The following HROB variants were observed in gnomAD, a reference collection of about 807,000 sequenced individuals.
HROB encodes homologous recombination OB-fold protein.
Under a neutral mutation model 61.0 loss-of-function variants are expected in HROB, and 44 were observed. That is an observed-to-expected ratio of 0.72 (90% CI 0.57 to 0.93). HROB has a LOEUF of 0.93. HROB is among the 40% of genes least tolerant of loss of function. HROB has a pLI of 0.00. For synonymous variants in HROB, 301 were observed against 310.4 expected, an observed-to-expected ratio of 0.97 and a Z score of 0.32; for missense variants, 716 against 796.2, an observed-to-expected ratio of 0.90 and a Z score of 1.21.
chr17:44,154,866 G>A lies in HROB; in HGVS notation c.1572G>A (p.Gly524=), dbSNP rs535389334. 6.2e-7 allele frequency: 1 copy of A among 1,614,118 alleles called. No individual in the cohort carries two copies. Among genetic ancestry groups the A allele is most frequent in the East Asian group, 2.2e-5 (1 of 44,874 alleles). The change falls in exon 7 of 10, where the codon GGG becomes GGA. Residue 524 remains glycine (G), a synonymous_variant. Coordinates refer to ENST00000585683, the MANE Select transcript of HROB (RefSeq NM_001171251.3). ...TGGTATTTGCAGGAGAGATGCAGGG[G>A]ACGGTGCACAGGTTGCTGCTGGAGA... is the stretch of plus-strand genomic sequence containing the variant. ...VFKDPTGEMQ[G]TVHRLLLETC...
At chr17:44,161,849 C>T (rs2054150135) in intron 9 of HROB, 22 bp from the exon 10 acceptor site, 1 of 1,611,214 alleles carries the variant, frequency 6.2e-7, no homozygotes, top group Non-Finnish European at 8.5e-7. Flanking sequence ...ACTAAGGCTA[C>T]CCATCATTCC....
rs765714281 is a variant in HROB, at chr17:44,148,952, C to G, written c.1149C>G (p.Pro383=). The change falls in exon 3 of 10, where the codon CCC becomes CCG. Residue 383 remains proline (P), a synonymous_variant. Transcript: ENST00000585683. ...VQLVTAASRT[P]QQPTHPSTRA... ...TAGTCACTGCTGCCAGCCGGACACC[C>G]CAGCAGCCCACCCATCCCTCCACCC... 1.7e-5 allele frequency: 28 copies of G among 1,613,992 alleles called. No individual in the cohort carries two copies. Among genetic ancestry groups the G allele is most frequent in the Non-Finnish European group, 2.3e-5 (27 of 1,180,004 alleles).
chr17:44,161,945 G>A lies in HROB; in HGVS notation c.*13G>A, dbSNP rs776450660. On this transcript the variant is annotated 3_prime_UTR_variant, in exon 10 of 10. Transcript: ENST00000585683. ...GACCAGTAGTTGAGACTGCCCCAAC[G>A]CAGGACAACCCACCATGAGCAGGCA... 8.7e-6 allele frequency: 14 copies of A among 1,613,108 alleles called. No individual in the cohort carries two copies. Among genetic ancestry groups the A allele is most frequent in the Admixed American group, 6.7e-5 (4 of 59,992 alleles).
chr17:44,161,332 A>G lies in HROB; in HGVS notation c.1880-539A>G, dbSNP rs530935218. Among the ~76,000 whole-genome samples, 3 of 152,342 alleles carry G rather than the reference A, an allele frequency of 2.0e-5. No homozygotes were observed. In the South Asian group the frequency reaches 6.2e-4, roughly 32 times the overall value. ...AGTCAGTATTAGCTGCTGCTAGTAA[A>G]TAATATTGCTAGGGATTATCGAGGT... On this transcript the variant is annotated intron_variant, in intron 9 of 9. Coordinates refer to ENST00000585683, the MANE Select transcript of HROB (RefSeq NM_001171251.3).
intron 2 of HROB, among the ~76,000 whole-genome samples, chr17:44,146,677 T>G (rs2053619753): frequency 6.6e-6 from 1 of 152,188 alleles, no homozygotes. Flanking sequence ...ATTTTATTAC[T>G]GCTATAGTTC....
At chr17:44,147,768 A>G in intron 2 of HROB, 90 bp from the exon 3 acceptor site, 8 of 1,287,122 alleles carry the variant, frequency 6.2e-6, no homozygotes, top group Non-Finnish European at 8.5e-6. Context: ...GTATCTACAC[A>G]CAAACATACA....
Position 44,144,493 on chromosome 17 carries a change from C to A in HROB, c.4-710C>A, listed in dbSNP as rs1293711650. On this transcript the variant is annotated intron_variant, in intron 1 of 9. Coordinates refer to ENST00000585683, the MANE Select transcript of HROB (RefSeq NM_001171251.3). ...GTTTCACTGTGTTGGTCAGGCTGGT[C>A]TTGAACTCCTGACCTCAGGTGATTC... Among the ~76,000 whole-genome samples the A allele has an allele frequency of 2.6e-5, 4 of 152,080 alleles. No homozygotes were observed. In the East Asian group the frequency reaches 5.8e-4, roughly 22 times the overall value.
intron 4 of HROB, among the ~76,000 whole-genome samples, chr17:44,152,367 C>T (rs1483418714): frequency 6.6e-6 from 1 of 151,338 alleles, no homozygotes; most frequent in African/African-American, 2.4e-5. Context: ...AGAGTATCTG[C>T]TGAATGAAAC....
intron 1 of HROB, among the ~76,000 whole-genome samples, chr17:44,144,561 C>G (rs1366922156): frequency 6.6e-6 from 1 of 150,934 alleles, no homozygotes; most frequent in Non-Finnish European, 1.5e-5. Context: ...TAGGCATGAG[C>G]CACCGTGCCT....
At chr17:44,149,534 C>T (rs1438996839) in intron 3 of HROB, among the ~76,000 whole-genome samples, 1 of 152,198 alleles carries the variant, frequency 6.6e-6, no homozygotes, top group Admixed American at 6.5e-5. Context: ...TAGGCGTGAG[C>T]CACCACGCCT....
chr17:44,148,579 T>C lies in HROB; in HGVS notation c.776T>C (p.Val259Ala), dbSNP rs2053691546. The change falls in exon 3 of 10, where the codon GTT becomes GCT. Residue 259 changes from valine to alanine, a missense_variant. Coordinates refer to ENST00000585683, the MANE Select transcript of HROB (RefSeq NM_001171251.3). ...CTTCCTGTTCCAACTGCCTTAACAG[T>C]TCCCACTCAGCAACTCCACTGGGAA... The part of the protein sequence containing the change: ...GHLPVPTALT[V>A]PTQQLHWEVC... 2 of 1,613,896 alleles carry C rather than the reference T, an allele frequency of 1.2e-6. No homozygotes were observed. Among genetic ancestry groups the C allele is most frequent in the East Asian group, 4.5e-5 (2 of 44,874 alleles).
chr17:44,157,026 G>C (rs1006810976), intron 8 of HROB, among the ~76,000 whole-genome samples: 1 of 151,986 alleles, frequency 6.6e-6, no homozygotes, highest in African/African-American at 2.4e-5. Context: ...TCAAACTCCC[G>C]ACCTCAAGTG....
At chr17:44,151,421 T>C (rs1358565134) in intron 4 of HROB, among the ~76,000 whole-genome samples, 2 of 152,202 alleles carry the variant, frequency 1.3e-5, no homozygotes, top group African/African-American at 4.8e-5. Context: ...TCTCTTGCCT[T>C]TGCTGGGTTC....
At position 44,142,096 on chromosome 17, in the gene HROB, T is replaced by G. The variant is rs1417533032; in HGVS notation, c.-47T>G. The G allele has an allele frequency of 6.5e-7, 1 of 1,530,780 alleles. No individual in the cohort carries two copies. Among genetic ancestry groups the G allele is most frequent in the East Asian group, 2.5e-5 (1 of 40,010 alleles). 94.8% of individuals were successfully genotyped at this position (1,530,780 alleles called of 1,614,324 possible). On this transcript the variant is annotated 5_prime_UTR_variant, in exon 1 of 10. Coordinates refer to ENST00000585683, the MANE Select transcript of HROB (RefSeq NM_001171251.3). ...CCAAGGCCCCGGCGACTCCCCGGAC[T>G]CGGGGTGCCGGGCCAACCTCCCCGC...
At chr17:44,145,154 T>C in intron 1 of HROB, 49 bp from the exon 2 acceptor site, 1 of 1,597,770 alleles carries the variant, frequency 6.3e-7, no homozygotes, top group Non-Finnish European at 8.6e-7. Context: ...GGACAGAATG[T>C]GCTTGCAAAT....
At chr17:44,156,358 C>A (rs1033051635) in intron 8 of HROB, among the ~76,000 whole-genome samples, 1 of 152,026 alleles carries the variant, frequency 6.6e-6, no homozygotes, top group Non-Finnish European at 1.5e-5. Context: ...ACCTCAGCCT[C>A]CCGAACAGCT....
chr17:44,159,416 A>T (rs2144114324), intron 9 of HROB, among the ~76,000 whole-genome samples: 1 of 152,304 alleles, frequency 6.6e-6, no homozygotes, highest in South Asian at 2.1e-4. Flanking sequence ...TGGGTGCCAG[A>T]TGTAGGGTCC....
chr17:44,157,980 A>G (rs768811080), intron 9 of HROB, 39 bp downstream of exon 9: 30 of 1,480,764 alleles, frequency 2.0e-5, no homozygotes, highest in Non-Finnish European at 2.7e-5. Context: ...GAGAGGTTCT[A>G]TTTCCTGTTG....
intron 4 of HROB, 149 bp from the exon 5 acceptor site, chr17:44,152,488 T>A: frequency 2.7e-6 from 2 of 729,358 alleles, no homozygotes; most frequent in Non-Finnish European, 2.1e-6. Context: ...GCCTTGGAGA[T>A]AAATGAGAGG....
Sources: gnomAD v4.1 joint callset for allele counts (sites outside exome capture counted in the v4.1 genomes callset) on GRCh38, gnomAD v4.1.1 for gene constraint, MANE v1.5 for transcripts, NCBI Gene and HGNC (gene_info 2026-07-23, HGNC 2026-07-21) for gene names.